The following PTGER3 variants were observed in gnomAD, a reference collection of about 807,000 sequenced individuals.
PTGER3 encodes the protein prostaglandin E receptor 3, also known as prostaglandin E2 receptor EP3 subtype.
A neutral mutation model predicts 34.7 loss-of-function variants in PTGER3; 22 were observed. The observed-to-expected ratio is 0.63, with a 90% confidence interval of 0.45 to 0.91. The LOEUF (loss-of-function observed/expected upper bound fraction) is 0.91, where lower values mean the gene tolerates loss of function less well. PTGER3 is among the 40% of genes least tolerant of loss of function. The pLI is 0.00. For missense variants in PTGER3, 468 were observed against 519.4 expected (o/e 0.90, Z 0.96); for synonymous variants, 241 against 230.1 (o/e 1.05, Z -0.43).
chr1:71,047,064 G>T lies in PTGER3; in HGVS notation c.514C>A (p.Arg172Ser), dbSNP rs748949389. 1 of 1,611,746 alleles carries T rather than the reference G, an allele frequency of 6.2e-7. No individual in the cohort carries two copies. The highest frequency in any genetic ancestry group is 1.7e-5 in the Admixed American group (1 of 59,878). ...PHWYASHMKTRATRAVLLGVW... is the reference protein window; with the variant it reads ...PHWYASHMKTSATRAVLLGVW... Reference sequence around the variant, plus strand: ...CCGAGCAGCACAGCGCGGGTGGCACGCGTCTTCATGTGGCTCGCATACCAG... The same window carrying T: ...CCGAGCAGCACAGCGCGGGTGGCACTCGTCTTCATGTGGCTCGCATACCAG... Residue 172 changes from arginine (R) to serine (S), a missense_variant, in exon 1 of 4, where the codon CGT becomes AGT. Arg to Ser is a moderately radical substitution (Grantham distance 110, BLOSUM62 -1). Coordinates refer to ENST00000306666, the MANE Select transcript of PTGER3 (RefSeq NM_198719.2).
intron 4 of PTGER3, among the ~76,000 whole-genome samples, chr1:70,894,309 CAAAAAAAAAAA>C (rs35974984): frequency 2.1e-5 from 1 of 46,718 alleles, no homozygotes; most frequent in Non-Finnish European, 3.6e-5. Flanking sequence ...AACTCCATCT[CAAAAAAAAAAA>C]AAAAAAAAAA....
chr1:70,952,684 A>G (rs5700), exon 4 of PTGER3: 2 of 1,171,200 alleles, frequency 1.7e-6, no homozygotes, highest in Non-Finnish European at 1.1e-6. Context: ...TATTCTTACT[A>G]TAAGTCTAAA....
intron 4 of PTGER3, among the ~76,000 whole-genome samples, chr1:70,901,601 G>A (rs933611084): frequency 1.3e-5 from 2 of 152,110 alleles, no homozygotes; most frequent in Admixed American, 1.3e-4. Context: ...ATTGTGAAGA[G>A]CAAAGGCAGT....
intron 2 of PTGER3, among the ~76,000 whole-genome samples, chr1:70,993,511 G>A (rs1431534378): frequency 1.3e-5 from 2 of 152,164 alleles, no homozygotes; most frequent in Non-Finnish European, 1.5e-5. Context: ...AACCATGTTA[G>A]GCTCTCCTTT....
rs1373276180 is a variant in PTGER3 at position 71,046,716 on chromosome 1, T to C, written c.862A>G (p.Met288Val). 2 of 1,596,030 alleles carry C rather than the reference T, an allele frequency of 1.3e-6. No homozygotes were observed. Among genetic ancestry groups the C allele is most frequent in the Non-Finnish European group, 1.7e-6 (2 of 1,169,666 alleles). ...GACCAGCAGACCGACAGCACGCACA[T>C]GATCCCCATAAGCTGAATGGCCGTC... is the stretch of plus-strand genomic sequence containing the variant. ...TETAIQLMGIMCVLSVCWSPL... is the reference protein window; with the variant it reads ...TETAIQLMGIVCVLSVCWSPL... The change falls in exon 1 of 4, where the codon ATG (methionine) becomes GTG (valine). Residue 288 changes from methionine to valine, a missense_variant. Physicochemically the swap from Met to Val is conservative, Grantham distance 21. Coordinates refer to ENST00000306666, the MANE Select transcript of PTGER3 (RefSeq NM_198719.2).
downstream of PTGER3, among the ~76,000 whole-genome samples, chr1:70,969,352 A>G (rs1239266813): frequency 3.3e-5 from 5 of 152,224 alleles, no homozygotes; most frequent in Admixed American, 2.0e-4. Flanking sequence ...TATCATGTTC[A>G]CTTATGTTAA....
chr1:70,965,048 G>T (rs1652367911), intron 2 of PTGER3, among the ~76,000 whole-genome samples: 1 of 152,258 alleles, frequency 6.6e-6, no homozygotes, highest in East Asian at 1.9e-4. Flanking sequence ...ATGAGTGAGG[G>T]TTAGTCACAT....
At chr1:71,038,607 C>T (rs1375953104) in intron 1 of PTGER3, among the ~76,000 whole-genome samples, 6 of 152,152 alleles carry the variant, frequency 3.9e-5, no homozygotes, top group Admixed American at 3.9e-4. Flanking sequence ...AGTAAGCACC[C>T]ACATAAGTCA....
At chr1:70,874,718 T>G (rs1238035970) in intron 4 of PTGER3, among the ~76,000 whole-genome samples, 1 of 152,174 alleles carries the variant, frequency 6.6e-6, no homozygotes, top group African/African-American at 2.4e-5. Context: ...TTTCTATACT[T>G]CTGTTTGTTC....
At chr1:70,892,100 C>G (rs1355224213) in intron 4 of PTGER3, among the ~76,000 whole-genome samples, 5 of 152,138 alleles carry the variant, frequency 3.3e-5, no homozygotes, top group African/African-American at 1.2e-4. Context: ...ACTATGTAAC[C>G]TCTTGTGAAA....
intron 2 of PTGER3, among the ~76,000 whole-genome samples, chr1:70,990,359 A>T (rs988092939): frequency 3.1e-5 from 3 of 95,534 alleles, no homozygotes; most frequent in South Asian, 3.7e-4. Flanking sequence ...TGTCTCACAC[A>T]CACACACACA....
intron 2 of PTGER3, among the ~76,000 whole-genome samples, chr1:70,987,992 T>C (rs1403093738): frequency 6.6e-6 from 1 of 152,184 alleles, no homozygotes; most frequent in Non-Finnish European, 1.5e-5. Flanking sequence ...AGTTTGTGGT[T>C]ATGAAGCGTC....
chr1:70,927,455 G>T (rs1648216778), intron 4 of PTGER3, among the ~76,000 whole-genome samples: 1 of 152,116 alleles, frequency 6.6e-6, no homozygotes, highest in African/African-American at 2.4e-5. Flanking sequence ...CAGTAAAAAA[G>T]AAAGCATAGC....
At chr1:70,866,136 G>A (rs1467484035) in intron 4 of PTGER3, among the ~76,000 whole-genome samples, 1 of 152,130 alleles carries the variant, frequency 6.6e-6, no homozygotes, top group Non-Finnish European at 1.5e-5. Context: ...TTCGCTGTAA[G>A]CACCTTGGGG....
chr1:71,037,172 G>C (rs1659913582), intron 1 of PTGER3, among the ~76,000 whole-genome samples: 1 of 152,188 alleles, frequency 6.6e-6, no homozygotes, highest in Non-Finnish European at 1.5e-5. Flanking sequence ...TCTCATGTGT[G>C]ATAGTAAGGG....
At chr1:70,935,421 A>G (rs1649116294) in intron 4 of PTGER3, among the ~76,000 whole-genome samples, 1 of 151,998 alleles carries the variant, frequency 6.6e-6, no homozygotes. Flanking sequence ...ATATCAATAT[A>G]CTATCTGGCA....
intron 2 of PTGER3, among the ~76,000 whole-genome samples, chr1:70,987,225 T>C (rs557625092): frequency 2.0e-5 from 3 of 152,136 alleles, no homozygotes; most frequent in South Asian, 4.1e-4. Flanking sequence ...AGGAAGGAAA[T>C]GGAAACAATG....
intron 2 of PTGER3, among the ~76,000 whole-genome samples, chr1:70,999,074 G>A (rs1484122626): frequency 6.6e-6 from 1 of 152,100 alleles, no homozygotes; most frequent in Non-Finnish European, 1.5e-5. Context: ...CAGCTACTCG[G>A]GTTGAATTCA....
At chr1:70,876,477 T>C (rs1264804208) in intron 4 of PTGER3, among the ~76,000 whole-genome samples, 1 of 151,832 alleles carries the variant, frequency 6.6e-6, no homozygotes, top group Non-Finnish European at 1.5e-5. Context: ...AAAATATTTG[T>C]CCAGTTTTGT....
Sources: gnomAD v4.1 joint callset for allele counts (sites outside exome capture counted in the v4.1 genomes callset) on GRCh38, gnomAD v4.1.1 for gene constraint, MANE v1.5 for transcripts, NCBI Gene and HGNC (gene_info 2026-07-23, HGNC 2026-07-21) for gene names.